SLC35F1: variants seen among roughly 807,000 people sequenced by gnomAD.
SLC35F1 encodes chromosome 6 open reading frame 169.
A neutral mutation model predicts 48.7 loss-of-function variants in SLC35F1; 14 were observed. That is an observed-to-expected ratio of 0.29 (90% confidence interval 0.19 to 0.45). The LOEUF is 0.45. Ranked by LOEUF, SLC35F1 falls within the 20% of genes least tolerant of loss-of-function variation. SLC35F1 has a pLI of 1.00. For synonymous variants in SLC35F1, 190 were observed against 202.2 expected (o/e 0.94, Z 0.51); for missense variants, 404 against 500.0 (o/e 0.81, Z 1.83).
chr6:118,273,816 C>CA (rs1375200215), intron 4 of SLC35F1, among the ~76,000 whole-genome samples: 1 of 152,198 alleles, frequency 6.6e-6, no homozygotes, highest in Non-Finnish European at 1.5e-5. Context: ...CCAGCTCTCA[C>CA]AAAATCCCAT....
intron 1 of SLC35F1, among the ~76,000 whole-genome samples, chr6:118,051,364 C>T (rs142811786): frequency 6.6e-6 from 1 of 152,288 alleles, no homozygotes; most frequent in South Asian, 2.1e-4. Context: ...GACAGCTTTG[C>T]ACTTGACTAT....
Position 118,299,635 on chromosome 6 carries a change from G to T in SLC35F1, c.1002+14297G>T, listed in dbSNP as rs371257021. On this transcript the variant is annotated intron_variant, in intron 7 of 7. Transcript: ENST00000360388. ...GATTAGCATAAGAGATATTTGGAGA[G>T]ATGTGCAGCGATTGTAATGCGAAGT... 3.3e-5 allele frequency among the ~76,000 whole-genome samples: 5 copies of T among 152,340 alleles called. 1 individual carries two copies. The highest frequency in any genetic ancestry group is 1.2e-4 in the African/African-American group (5 of 41,572).
intron 4 of SLC35F1, among the ~76,000 whole-genome samples, chr6:118,268,584 G>GTATATATATATATATATATATA (rs1183493675): frequency 4.5e-5 from 3 of 67,274 alleles, no homozygotes; most frequent in Non-Finnish European, 5.9e-5. Flanking sequence ...TCATATATAT[G>GTATATATATATATATATATATA]TATATATATA....
chr6:118,195,334 C>A (rs1296994528), intron 2 of SLC35F1, among the ~76,000 whole-genome samples: 1 of 152,162 alleles, frequency 6.6e-6, no homozygotes, highest in African/African-American at 2.4e-5. Context: ...TTATCCAGAA[C>A]ATTCCACTGT....
chr6:118,196,932 A>G (rs1020394651), intron 2 of SLC35F1, among the ~76,000 whole-genome samples: 2 of 151,522 alleles, frequency 1.3e-5, no homozygotes, highest in Non-Finnish European at 2.9e-5. Context: ...TCCCAATACC[A>G]TTTATTAAAG....
At chr6:118,293,723 C>G (rs2114651232) in intron 7 of SLC35F1, among the ~76,000 whole-genome samples, 1 of 152,334 alleles carries the variant, frequency 6.6e-6, no homozygotes, top group South Asian at 2.1e-4. Context: ...ACGACACATT[C>G]TCTGCCTACA....
intron 2 of SLC35F1, among the ~76,000 whole-genome samples, chr6:118,209,880 C>G (rs1774981070): frequency 6.6e-6 from 1 of 152,120 alleles, no homozygotes; most frequent in Non-Finnish European, 1.5e-5. Context: ...CAATATTTCT[C>G]TTAATTCTAT....
At chr6:117,945,902 A>T (rs1234583714) in intron 1 of SLC35F1, among the ~76,000 whole-genome samples, 3 of 152,196 alleles carry the variant, frequency 2.0e-5, no homozygotes, top group Non-Finnish European at 4.4e-5. Context: ...TAAGACCAAA[A>T]CATCAAAAGA....
intron 7 of SLC35F1, among the ~76,000 whole-genome samples, chr6:118,290,683 C>T (rs1385944656): frequency 6.6e-6 from 1 of 152,130 alleles, no homozygotes; most frequent in Admixed American, 6.6e-5. Context: ...ACTTCCCTGT[C>T]TCTAACATTG....
In SLC35F1 at chr6:117,960,646, C is replaced by T. The variant is rs923147331; in HGVS notation, c.173+52747C>T. On this transcript the variant is annotated intron_variant, in intron 1 of 7. Transcript: ENST00000360388. ...AGAAAAGCGATTTATCTGGTATATCCCCCCCAAAAGTGGGTACAGTATGAA... is the reference window on the plus strand; with the variant it reads ...AGAAAAGCGATTTATCTGGTATATCTCCCCCAAAAGTGGGTACAGTATGAA... Among the ~76,000 whole-genome samples, 5 of 151,620 alleles carry T rather than the reference C, an allele frequency of 3.3e-5. No homozygotes were observed. The East Asian group carries it at 5.8e-4, about 18-fold the overall frequency.
chr6:118,169,074 A>G (rs1038770421), intron 2 of SLC35F1, among the ~76,000 whole-genome samples: 1 of 152,222 alleles, frequency 6.6e-6, no homozygotes, highest in Non-Finnish European at 1.5e-5. Context: ...CTTTCAGAGT[A>G]TTCGATTACC....
chr6:118,007,024 CAT>C (rs1220251802), intron 1 of SLC35F1, among the ~76,000 whole-genome samples: 1 of 130,950 alleles, frequency 7.6e-6, no homozygotes, highest in Admixed American at 7.9e-5. Context: ...TTTGACAACA[CAT>C]GTTGTTTTTT....
At chr6:118,181,882 C>T (rs1206536251) in intron 2 of SLC35F1, among the ~76,000 whole-genome samples, 1 of 152,018 alleles carries the variant, frequency 6.6e-6, no homozygotes, top group Non-Finnish European at 1.5e-5. Flanking sequence ...GTTAAACAAT[C>T]CTAAGCCTGT....
At chr6:118,241,271 C>T (rs1228091921) in intron 3 of SLC35F1, among the ~76,000 whole-genome samples, 2 of 152,136 alleles carry the variant, frequency 1.3e-5, no homozygotes, top group Non-Finnish European at 2.9e-5. Context: ...TTTTCAGATT[C>T]TCTCAAAAAC....
In SLC35F1 at chr6:117,982,106, C is replaced by T. The variant is rs1039177121; in HGVS notation, c.173+74207C>T. Among the ~76,000 whole-genome samples, 6 of 152,150 alleles carry T rather than the reference C, an allele frequency of 3.9e-5. No individual in the cohort carries two copies. In the East Asian group the frequency reaches 9.6e-4, roughly 24 times the overall value. Reference sequence around the variant, plus strand: ...TTACAACCCCCAAATCTGTTTCTGTCAAACTTATATTTAAAATATATTTAT... The same window carrying T: ...TTACAACCCCCAAATCTGTTTCTGTTAAACTTATATTTAAAATATATTTAT... On this transcript the variant is annotated intron_variant, in intron 1 of 7. Coordinates refer to ENST00000360388, the MANE Select transcript of SLC35F1 (RefSeq NM_001029858.4).
At chr6:118,148,465 G>A (rs1001973977) in intron 1 of SLC35F1, among the ~76,000 whole-genome samples, 2 of 151,862 alleles carry the variant, frequency 1.3e-5, no homozygotes, top group Non-Finnish European at 1.5e-5. Context: ...TTAATAGAAC[G>A]AAGTGCCGGT....
chr6:118,151,296 A>G (rs1050887087), intron 1 of SLC35F1, among the ~76,000 whole-genome samples: 1 of 151,868 alleles, frequency 6.6e-6, no homozygotes, highest in African/African-American at 2.4e-5. Context: ...CAGTATTTTC[A>G]CCATCACTTT....
chr6:118,305,390 T>C (rs1276304117), intron 7 of SLC35F1, among the ~76,000 whole-genome samples: 1 of 152,122 alleles, frequency 6.6e-6, no homozygotes, highest in Non-Finnish European at 1.5e-5. Flanking sequence ...CAGAAACATC[T>C]GTTTTGTCCA....
chr6:117,947,659 G>C (rs1446388332), intron 1 of SLC35F1, among the ~76,000 whole-genome samples: 3 of 152,168 alleles, frequency 2.0e-5, no homozygotes, highest in African/African-American at 7.2e-5. Flanking sequence ...TGGGTGTAAA[G>C]TATGAGACAA....
Sources: gnomAD v4.1 joint callset for allele counts (sites outside exome capture counted in the v4.1 genomes callset) on GRCh38, gnomAD v4.1.1 for gene constraint, MANE v1.5 for transcripts, NCBI Gene and HGNC (gene_info 2026-07-23, HGNC 2026-07-21) for gene names.